The following PRTG variants were observed in gnomAD, a reference collection of about 807,000 sequenced individuals.
The protein encoded by PRTG is protogenin.
PRTG carries 67 observed loss-of-function variants against 122.5 expected under a neutral mutation model. The observed-to-expected ratio is 0.55, with a 90% CI of 0.45 to 0.67. The LOEUF (loss-of-function observed/expected upper bound fraction) is 0.67, where lower values mean the gene tolerates loss of function less well. Ranked by LOEUF, PRTG falls within the 30% of genes least tolerant of loss-of-function variation. PRTG has a pLI of 0.00. For missense variants in PRTG, 1,435 were observed against 1,415.4 expected, an observed-to-expected ratio of 1.01 and a Z score of -0.22; for synonymous variants, 554 against 501.1, an observed-to-expected ratio of 1.11 and a Z score of -1.41.
intron 18 of PRTG, among the ~76,000 whole-genome samples, chr15:55,622,681 G>A (rs1039331477): frequency 1.3e-5 from 2 of 151,870 alleles, no homozygotes; most frequent in African/African-American, 2.4e-5. Flanking sequence ...GTGAGCCACC[G>A]CGCCCGGCCA....
In PRTG at chr15:55,742,891, G is replaced by A; in HGVS notation, c.41C>T (p.Pro14Leu). Residue 14 changes from proline (P) to leucine (L), a missense_variant, in exon 1 of 20, where the codon CCG (proline) becomes CTG (leucine). Pro to Leu is a moderately conservative substitution (Grantham distance 98). Transcript: ENST00000389286. ...PLRPLARLRP[P>L]GMLLRALLLL... ...CAGGAGCGCGCGGAGCAGCATCCCC[G>A]GCGGTCGCAGCCGGGCGAGGGGTCG... 1 of 1,531,608 alleles carries A rather than the reference G, an allele frequency of 6.5e-7. No homozygotes were observed. The highest frequency in any genetic ancestry group is 8.8e-7 in the Non-Finnish European group (1 of 1,138,474). The allele number at this position is 1,531,608 out of a possible 1,614,324, so 94.9% of individuals were successfully genotyped here.
chr15:55,684,216 G>C (rs890356773), intron 2 of PRTG, among the ~76,000 whole-genome samples: 1 of 152,052 alleles, frequency 6.6e-6, no homozygotes, highest in African/African-American at 2.4e-5. Context: ...AATAAACAAT[G>C]GTATATAATT....
chr15:55,696,327 T>C (rs1196929887), intron 2 of PRTG, among the ~76,000 whole-genome samples: 3 of 152,194 alleles, frequency 2.0e-5, no homozygotes, highest in African/African-American at 7.2e-5. Context: ...GAGTTCAGTA[T>C]TGAGTTTGAT....
rs2059138514 is a variant in PRTG, at chr15:55,615,574, G to A, written c.*4438C>T. ...AACTGGTTGTATATGGTAGTCTCCA[G>A]AACCTGCTACTCAGTGCTCACAAAC... On this transcript the variant is annotated 3_prime_UTR_variant, in exon 20 of 20. Coordinates refer to ENST00000389286, the MANE Select transcript of PRTG (RefSeq NM_173814.6). 6.6e-6 allele frequency: 1 copy of A among 152,106 alleles called. No homozygotes were observed. Among genetic ancestry groups the A allele is most frequent in the Non-Finnish European group, 1.5e-5 (1 of 67,990 alleles). 9.4% of individuals were successfully genotyped at this position (152,106 alleles called of 1,614,324 possible). A position where few individuals can be genotyped will look rare whatever the true frequency, so the allele number is the denominator to read the frequency against.
At chr15:55,650,154 T>G (rs2141753680) in intron 11 of PRTG, among the ~76,000 whole-genome samples, 1 of 152,286 alleles carries the variant, frequency 6.6e-6, no homozygotes, top group South Asian at 2.1e-4. Context: ...TCTGGTGGAG[T>G]TCAGTTTTCT....
intron 1 of PRTG, 112 bp downstream of exon 1, chr15:55,742,726 C>T: frequency 7.5e-7 from 1 of 1,338,380 alleles, no homozygotes; most frequent in Non-Finnish European, 1.0e-6. Context: ...AGCGCCACCA[C>T]GGAGGACCCC....
At chr15:55,687,491 T>C (rs914459736) in intron 2 of PRTG, among the ~76,000 whole-genome samples, 5 of 152,234 alleles carry the variant, frequency 3.3e-5, no homozygotes, top group Non-Finnish European at 7.3e-5. Context: ...TCAAACAATA[T>C]GCCTGGGCAC....
chr15:55,635,332 C>T (rs929419536), intron 15 of PRTG, among the ~76,000 whole-genome samples: 7 of 152,122 alleles, frequency 4.6e-5, no homozygotes, highest in African/African-American at 1.7e-4. Context: ...CCTCGTGATC[C>T]GTCTGCCTCA....
rs2059128768 is a variant in PRTG, at chr15:55,613,322, G to C, written c.*6690C>G. On this transcript the variant is annotated 3_prime_UTR_variant, in exon 20 of 20. Transcript: ENST00000389286. ...TCAGACCTAACAAGAAAGGATTACT[G>C]TTTACACACCTGACTTTTTCAAGTC... is the stretch of plus-strand genomic sequence containing the variant. 6.6e-6 allele frequency: 1 copy of C among 152,054 alleles called. No individual in the cohort carries two copies. Among genetic ancestry groups the C allele is most frequent in the African/African-American group, 2.4e-5 (1 of 41,426 alleles). The allele number at this position is 152,054 out of a possible 1,614,324, so 9.4% of individuals were successfully genotyped here.
chr15:55,663,755 T>C (rs2059422728), intron 11 of PRTG, among the ~76,000 whole-genome samples: 1 of 152,142 alleles, frequency 6.6e-6, no homozygotes, highest in African/African-American at 2.4e-5. Flanking sequence ...TTGGCCAGAC[T>C]GGTCTCGAGC....
intron 2 of PRTG, among the ~76,000 whole-genome samples, chr15:55,722,555 A>G (rs950604359): frequency 6.6e-6 from 1 of 152,204 alleles, no homozygotes; most frequent in Admixed American, 6.5e-5. Context: ...TCTCATGCTG[A>G]AAACTAAAAC....
At chr15:55,702,279 A>T (rs1397033939) in intron 2 of PRTG, among the ~76,000 whole-genome samples, 1 of 152,172 alleles carries the variant, frequency 6.6e-6, no homozygotes, top group African/African-American at 2.4e-5. Context: ...CCCAAGTAGA[A>T]CTAGAGACCC....
rs1555431925 is a variant in PRTG at position 55,665,498 on chromosome 15, G to GT, written c.2041+6946dup. Among the ~76,000 whole-genome samples the GT allele has an allele frequency of 4.7e-4, 55 of 118,106 alleles. 1 individual carries two copies. The highest frequency in any genetic ancestry group is 2.2e-3 in the South Asian group (9 of 4,040). The allele number at this position is 118,106 out of a possible 152,430, so 77.5% of individuals were successfully genotyped here. A position where few individuals can be genotyped will look rare whatever the true frequency, so the allele number is the denominator to read the frequency against. Reference sequence around the variant, plus strand: ...CTTGATATACCTGTCAGCTAAAAAGGTTTTTTTTGTTTTTTTTTTTTTTAA... The same window carrying GT: ...CTTGATATACCTGTCAGCTAAAAAGGTTTTTTTTTGTTTTTTTTTTTTTTAA... On this transcript the variant is annotated intron_variant, in intron 11 of 19. Transcript: ENST00000389286.
At chr15:55,741,238 C>T (rs1318493125) in intron 1 of PRTG, among the ~76,000 whole-genome samples, 2 of 152,240 alleles carry the variant, frequency 1.3e-5, no homozygotes, top group Non-Finnish European at 2.9e-5. Context: ...TCTATCTCCT[C>T]TCCTTGAAAG....
intron 2 of PRTG, among the ~76,000 whole-genome samples, chr15:55,708,368 G>C (rs940010575): frequency 5.3e-5 from 8 of 152,050 alleles, no homozygotes; most frequent in African/African-American, 1.9e-4. Context: ...CAGCACTTTG[G>C]GAAGCCTAGG....
chr15:55,733,835 A>C (rs1272108823), intron 2 of PRTG, among the ~76,000 whole-genome samples: 7 of 152,054 alleles, frequency 4.6e-5, no homozygotes, highest in East Asian at 3.8e-4. Flanking sequence ...TCAACAACAA[A>C]AACAACAACA....
intron 2 of PRTG, among the ~76,000 whole-genome samples, chr15:55,687,461 T>C (rs1404128549): frequency 1.3e-5 from 2 of 152,220 alleles, no homozygotes; most frequent in Non-Finnish European, 2.9e-5. Flanking sequence ...GTGTTGTTTT[T>C]TCACTCTGAA....
chr15:55,680,617 T>C lies in PRTG; in HGVS notation c.688A>G (p.Lys230Glu), dbSNP rs201799023. 1.4e-4 allele frequency: 211 copies of C among 1,544,696 alleles called. No individual in the cohort carries two copies. Among genetic ancestry groups the C allele is most frequent in the Non-Finnish European group, 1.7e-4 (198 of 1,143,384 alleles). ...ATAATTGTTGGTGTGTGGAAGGATT[T>C]TGACTCCTTAGCTTTGGGGAGGAAA... Reference protein sequence around the residue: ...SLTVIPAKESKSFHTPTIIAG... With the variant: ...SLTVIPAKESESFHTPTIIAG... The change falls in exon 5 of 20, where the codon AAA (lysine) becomes GAA (glutamate). Residue 230 changes from lysine (K) to glutamate (E), a missense_variant. Transcript: ENST00000389286.
At position 55,618,621 on chromosome 15, in the gene PRTG, G is replaced by T. The variant is rs959959006; in HGVS notation, c.*1391C>A. On this transcript the variant is annotated 3_prime_UTR_variant, in exon 20 of 20. Coordinates refer to ENST00000389286, the MANE Select transcript of PRTG (RefSeq NM_173814.6). Reference sequence around the variant, plus strand: ...CTGGAGTTAGCATTCCTCATTCACAGCACTGACACTGAAGGAAGATTAAGT... The same window carrying T: ...CTGGAGTTAGCATTCCTCATTCACATCACTGACACTGAAGGAAGATTAAGT... 2.0e-5 allele frequency: 3 copies of T among 152,080 alleles called. No homozygotes were observed. Among genetic ancestry groups the T allele is most frequent in the African/African-American group, 7.2e-5 (3 of 41,386 alleles). The allele number at this position is 152,080 out of a possible 1,614,324, so 9.4% of individuals were successfully genotyped here.
Sources: allele counts gnomAD v4.1 joint callset (sites outside exome capture counted in the v4.1 genomes callset), GRCh38; gene constraint gnomAD v4.1.1; transcripts MANE v1.5; gene names NCBI Gene and HGNC (gene_info 2026-07-23, HGNC 2026-07-21).